Variants in MCM9 observed in about 807,000 individuals in gnomAD.
MCM9 encodes DNA helicase MCM9.
In MCM9, 55 loss-of-function variants were observed where a neutral mutation model predicts 72.8. The observed-to-expected ratio is 0.76, with a 90% CI of 0.61 to 0.95. MCM9 has a LOEUF of 0.95. MCM9 is among the 40% of genes least tolerant of loss of function. The pLI is 0.00. For synonymous variants in MCM9, 480 were observed against 503.4 expected (o/e 0.95, Z 0.62); for missense variants, 1,279 against 1,377.0 (o/e 0.93, Z 1.13).
chr6:118,931,229 T>A (rs1346546436), intron 3 of MCM9, among the ~76,000 whole-genome samples, 191 bp downstream of exon 3: 1 of 152,190 alleles, frequency 6.6e-6, no homozygotes, highest in Admixed American at 6.5e-5. Flanking sequence ...CTCCCCTCAG[T>A]GGGCAAGACT....
intron 8 of MCM9, among the ~76,000 whole-genome samples, chr6:118,893,724 G>A (rs1779107643): frequency 6.6e-6 from 1 of 151,920 alleles, no homozygotes; most frequent in Non-Finnish European, 1.5e-5. Flanking sequence ...AATACTACCC[G>A]ATACGCAGAA....
chr6:118,894,125 C>G (rs1009667577), intron 8 of MCM9: 2 of 1,191,700 alleles, frequency 1.7e-6, no homozygotes, highest in Non-Finnish European at 2.1e-6. Flanking sequence ...TGCTGGCTGC[C>G]GAGGCCCTCG....
intron 8 of MCM9, among the ~76,000 whole-genome samples, chr6:118,895,088 G>T (rs1423255664): frequency 6.6e-6 from 1 of 152,082 alleles, no homozygotes; most frequent in South Asian, 2.1e-4. Flanking sequence ...CACTCTCCGG[G>T]CTGGCCATGC....
intron 9 of MCM9, among the ~76,000 whole-genome samples, chr6:118,850,165 A>C (rs1776130256): frequency 6.6e-6 from 1 of 151,986 alleles, no homozygotes; most frequent in South Asian, 2.1e-4. Context: ...AAAGAAAAGC[A>C]TTCAAACTAC....
At chr6:118,861,575 G>A (rs141145417) in intron 8 of MCM9, among the ~76,000 whole-genome samples, 2,126 of 152,296 alleles carry the variant, frequency 0.014, 40 homozygotes, top group African/African-American at 0.049. Context: ...GCTGCTTTCC[G>A]CAGGCAGGTT....
At chr6:118,827,012 C>G (rs1583346117) in intron 11 of MCM9, 148 bp from the exon 12 acceptor site, 2 of 666,314 alleles carry the variant, frequency 3.0e-6, no homozygotes, top group Non-Finnish European at 5.3e-6. Flanking sequence ...AGTCAACATT[C>G]AACTAGCTTT....
Position 118,816,307 on chromosome 6 carries a change from C to A in MCM9, c.1962-13G>T. 1 of 1,492,334 alleles carries A rather than the reference C, an allele frequency of 6.7e-7. No individual in the cohort carries two copies. The allele number at this position is 1,492,334 out of a possible 1,614,324, so 92.4% of individuals were successfully genotyped here. On this transcript the variant is annotated splice_polypyrimidine_tract_variant and intron_variant, in intron 13 of 13. Coordinates refer to ENST00000619706, the MANE Select transcript of MCM9 (RefSeq NM_017696.3). ...CTGATTCTGTAACCTGTAGCAAAGA[C>A]AAATAAATAAAACATGTCTTGAAGG...
chr6:118,838,259 T>C (rs1463987635), intron 9 of MCM9, among the ~76,000 whole-genome samples: 1 of 150,970 alleles, frequency 6.6e-6, no homozygotes, highest in African/African-American at 2.4e-5. Context: ...GCCTCCCAGG[T>C]TCACGCCATT....
intron 3 of MCM9, among the ~76,000 whole-genome samples, chr6:118,929,199 A>G (rs537543355): frequency 6.6e-6 from 1 of 152,348 alleles, no homozygotes; most frequent in South Asian, 2.1e-4. Flanking sequence ...CAGCCTGGAC[A>G]ACAGAGCAAG....
intron 9 of MCM9, among the ~76,000 whole-genome samples, chr6:118,850,558 A>C (rs1235896271): frequency 6.6e-6 from 1 of 151,868 alleles, no homozygotes; most frequent in Non-Finnish European, 1.5e-5. Context: ...TCCGACCCCA[A>C]AGCTCTTTAA....
chr6:118,887,621 T>C (rs1021061566), intron 8 of MCM9, among the ~76,000 whole-genome samples: 1 of 151,750 alleles, frequency 6.6e-6, no homozygotes, highest in Non-Finnish European at 1.5e-5. Context: ...CGAAAATAGA[T>C]TAAATGGGCA....
At chr6:118,891,912 C>A (rs559100163) in intron 8 of MCM9, among the ~76,000 whole-genome samples, 4 of 152,200 alleles carry the variant, frequency 2.6e-5, no homozygotes, top group African/African-American at 9.6e-5. Flanking sequence ...TTATGTGGGA[C>A]CCCCTTGGGT....
chr6:118,822,021 C>T (rs1377476295), intron 13 of MCM9, among the ~76,000 whole-genome samples: 2 of 152,110 alleles, frequency 1.3e-5, no homozygotes, highest in Non-Finnish European at 1.5e-5. Context: ...GTTAGCAGTT[C>T]CTGTAATCTT....
chr6:118,860,148 A>T (rs1196093069), intron 8 of MCM9, among the ~76,000 whole-genome samples: 4 of 152,214 alleles, frequency 2.6e-5, no homozygotes, highest in African/African-American at 4.8e-5. Flanking sequence ...CAAGCATCAA[A>T]ATCGGATCTA....
chr6:118,882,586 A>G (rs1778356094), intron 8 of MCM9, among the ~76,000 whole-genome samples: 1 of 152,246 alleles, frequency 6.6e-6, no homozygotes, highest in African/African-American at 2.4e-5. Flanking sequence ...GCATTGCCAA[A>G]AAGAACAGAG....
Position 118,823,182 on chromosome 6 carries a change from T to C in MCM9, c.1961+2965A>G, listed in dbSNP as rs568909740. Among the ~76,000 whole-genome samples, 71 of 152,188 alleles carry C rather than the reference T, an allele frequency of 4.7e-4. 1 individual carries two copies. The South Asian group carries it at 0.01, about 22-fold the overall frequency. ...AAAAAAACTCCTGAAGCTAGCTCAG[T>C]GTCTGCCCAAATTGCCACCCAGTTT... On this transcript the variant is annotated intron_variant, in intron 13 of 13. Transcript: ENST00000619706.
At chr6:118,906,087 T>G (rs1780159730) in intron 8 of MCM9, among the ~76,000 whole-genome samples, 1 of 152,200 alleles carries the variant, frequency 6.6e-6, no homozygotes, top group Admixed American at 6.5e-5. Context: ...CCTCTTTTTT[T>G]TCTGAGATGG....
chr6:118,869,830 CA>C lies in MCM9; in HGVS notation c.1151-13286del, dbSNP rs548326529. Among the ~76,000 whole-genome samples the C allele has an allele frequency of 4.6e-4, 70 of 151,584 alleles. 1 individual carries two copies. The South Asian group carries it at 0.014, about 30-fold the overall frequency. On this transcript the variant is annotated intron_variant, in intron 8 of 13. Transcript: ENST00000619706. ...GAAAGACATCCCATGCAAATGGAAA[CA>C]AAAAAAGTCTAGGGTAGCTACATTT...
At chr6:118,895,088 G>A (rs1423255664) in intron 8 of MCM9, among the ~76,000 whole-genome samples, 1 of 152,082 alleles carries the variant, frequency 6.6e-6, no homozygotes, top group African/African-American at 2.4e-5. Flanking sequence ...CACTCTCCGG[G>A]CTGGCCATGC....
Sources: gnomAD v4.1 joint callset for allele counts (sites outside exome capture counted in the v4.1 genomes callset) on GRCh38, gnomAD v4.1.1 for gene constraint, MANE v1.5 for transcripts, NCBI Gene and HGNC (gene_info 2026-07-23, HGNC 2026-07-21) for gene names.